The following ITGA8 variants were observed in gnomAD, a reference collection of about 807,000 sequenced individuals.
ITGA8 encodes the protein integrin alpha-8.
Under a neutral mutation model 142.3 loss-of-function variants are expected in ITGA8, and 91 were observed. That is an observed-to-expected ratio of 0.64 (90% CI 0.54 to 0.76). The LOEUF is 0.76. Ranked by LOEUF, ITGA8 falls within the 30% of genes least tolerant of loss-of-function variation. The pLI is 0.00. For synonymous variants in ITGA8, 505 were observed against 485.2 expected (o/e 1.04, Z -0.54); for missense variants, 1,406 against 1,327.7 (o/e 1.06, Z -0.92).
intron 2 of ITGA8, among the ~76,000 whole-genome samples, chr10:15,705,228 ATTTCATG>A (rs1263386373): frequency 2.0e-5 from 3 of 152,146 alleles, no homozygotes; most frequent in Non-Finnish European, 2.9e-5. Flanking sequence ...TAATCCTATT[ATTTCATG>A]ACTCCACTTT....
At chr10:15,664,790 G>C (rs1448156370) in intron 8 of ITGA8, among the ~76,000 whole-genome samples, 1 of 151,420 alleles carries the variant, frequency 6.6e-6, no homozygotes, top group Admixed American at 6.6e-5. Context: ...CCTTGTGATA[G>C]TTTGCTGAGA....
At chr10:15,547,958 C>T (rs188668999) in intron 27 of ITGA8, among the ~76,000 whole-genome samples, 1 of 152,278 alleles carries the variant, frequency 6.6e-6, no homozygotes, top group Admixed American at 6.5e-5. Flanking sequence ...TTTAAACTGT[C>T]TTTACCTGCT....
Position 15,519,324 on chromosome 10 carries a change from A to ATTTT in ITGA8, c.3070_3071insAAAA (p.Leu1024Ter). On this transcript the variant is annotated stop_gained and frameshift_variant, in exon 29 of 30. Coordinates refer to ENST00000378076, the MANE Select transcript of ITGA8 (RefSeq NM_003638.3). LOFTEE classifies it high-confidence loss of function. The stretch of plus-strand genomic sequence containing the variant: ...AGCTAAGGTTAAAATGGCGAGAACC[A>ATTTT]ACAATCCAAGAAGTATTGCTAGTAT... 6.2e-7 allele frequency: 1 copy of ATTTT among 1,613,912 alleles called. No individual in the cohort carries two copies. The highest frequency in any genetic ancestry group is 8.5e-7 in the Non-Finnish European group (1 of 1,179,920).
chr10:15,608,287 A>G lies in ITGA8; in HGVS notation c.1557T>C (p.Phe519=). Reference sequence around the variant, plus strand: ...TGACAGATGCACATACTCTTAAAGAAAAGCTATAGAAAATAGTAGTAATTT... The same window carrying G: ...TGACAGATGCACATACTCTTAAAGAGAAGCTATAGAAAATAGTAGTAATTT... ...VPDSMTSAAC[F]SLRVCASVTG... The change falls in exon 16 of 30, where the codon TTT becomes TTC. Residue 519 remains phenylalanine, a synonymous_variant. Transcript: ENST00000378076. 5.0e-6 allele frequency: 8 copies of G among 1,585,058 alleles called. No homozygotes were observed. Among genetic ancestry groups the G allele is most frequent in the Non-Finnish European group, 6.9e-6 (8 of 1,165,906 alleles).
At chr10:15,626,091 C>A (rs1204327875) in intron 13 of ITGA8, among the ~76,000 whole-genome samples, 4 of 152,218 alleles carry the variant, frequency 2.6e-5, no homozygotes, top group Non-Finnish European at 5.9e-5. Context: ...TAGGGTGGGG[C>A]AGCCAGCTTC....
chr10:15,517,034 G>T lies in ITGA8; in HGVS notation c.*124C>A. ...GGTGTAGATGAGGTGATGTTTCCAG[G>T]GTCCCCTCCATTTCCTGGGTCACTG... On this transcript the variant is annotated 3_prime_UTR_variant, in exon 30 of 30. Transcript: ENST00000378076. 5 of 501,710 alleles carry T rather than the reference G, an allele frequency of 1.0e-5. No individual in the cohort carries two copies. The highest frequency in any genetic ancestry group is 9.8e-6 in the Non-Finnish European group (3 of 305,788). 31.1% of individuals were successfully genotyped at this position (501,710 alleles called of 1,614,324 possible). A position where few individuals can be genotyped will look rare whatever the true frequency, so the allele number is the denominator to read the frequency against.
chr10:15,672,785 A>G (rs749026210), intron 6 of ITGA8, 36 bp from the exon 7 acceptor site: 1 of 1,543,662 alleles, frequency 6.5e-7, no homozygotes, highest in Non-Finnish European at 8.7e-7. Context: ...AACTGAATGA[A>G]AGCAAGAGGC....
Position 15,629,087 on chromosome 10 carries a change from G to C in ITGA8, c.1400-12528C>G, listed in dbSNP as rs760523437. 3.3e-5 allele frequency among the ~76,000 whole-genome samples: 5 copies of C among 151,794 alleles called. No homozygotes were observed. The South Asian group carries it at 1.0e-3, about 31-fold the overall frequency. The stretch of plus-strand genomic sequence containing the variant: ...GCTTTTTCCATCACACTGCCTACTC[G>C]TACTCCTGGTCTCACAGCCAAGAGC... On this transcript the variant is annotated intron_variant, in intron 13 of 29. Coordinates refer to ENST00000378076, the MANE Select transcript of ITGA8 (RefSeq NM_003638.3).
intron 11 of ITGA8, among the ~76,000 whole-genome samples, chr10:15,651,280 C>G (rs972183172): frequency 6.6e-6 from 1 of 152,044 alleles, no homozygotes; most frequent in Non-Finnish European, 1.5e-5. Context: ...TCAGAAATTC[C>G]TAACAAAGCT....
chr10:15,560,405 T>C lies in ITGA8; in HGVS notation c.2638-2203A>G, dbSNP rs1218414481. On this transcript the variant is annotated intron_variant, in intron 25 of 29. Coordinates refer to ENST00000378076, the MANE Select transcript of ITGA8 (RefSeq NM_003638.3). ...AGGATTTTAACAAATGGATAATTAT[T>C]TAAAAAGATATGAAATTAAATCCTT... 3.3e-5 allele frequency among the ~76,000 whole-genome samples: 5 copies of C among 152,212 alleles called. No individual in the cohort carries two copies. In the East Asian group the frequency reaches 9.6e-4, roughly 29 times the overall value.
chr10:15,608,351 C>T, intron 15 of ITGA8, 61 bp from the exon 16 acceptor site: 1 of 956,438 alleles, frequency 1.0e-6, no homozygotes, highest in South Asian at 1.4e-5. Context: ...TAGAAGCCTT[C>T]CTTTACCTAA....
chr10:15,708,493 C>A lies in ITGA8; in HGVS notation c.343+10273G>T, dbSNP rs575194048. ...TGTTCACAAAAACATCCTCTCCTTGCCATGTGTCTATTCATAAGTGAAGGG... is the reference window on the plus strand; with the variant it reads ...TGTTCACAAAAACATCCTCTCCTTGACATGTGTCTATTCATAAGTGAAGGG... On this transcript the variant is annotated intron_variant, in intron 2 of 29. Coordinates refer to ENST00000378076, the MANE Select transcript of ITGA8 (RefSeq NM_003638.3). Among the ~76,000 whole-genome samples the A allele has an allele frequency of 1.4e-4, 22 of 152,224 alleles. No homozygotes were observed. The East Asian group carries it at 3.3e-3, about 23-fold the overall frequency.
chr10:15,562,259 C>T (rs928246811), intron 25 of ITGA8, among the ~76,000 whole-genome samples: 2 of 152,196 alleles, frequency 1.3e-5, no homozygotes, highest in African/African-American at 2.4e-5. Context: ...AAGGTTTAGA[C>T]AAGGCAACGA....
chr10:15,563,799 C>G (rs1329805726), intron 25 of ITGA8, among the ~76,000 whole-genome samples: 1 of 152,064 alleles, frequency 6.6e-6, no homozygotes, highest in African/African-American at 2.4e-5. Flanking sequence ...CACCTGTAAT[C>G]CCAGCTACTC....
At chr10:15,586,049 ATTTTTTTTT>A (rs59435924) in intron 23 of ITGA8, among the ~76,000 whole-genome samples, 18 of 76,810 alleles carry the variant, frequency 2.3e-4, no homozygotes, top group East Asian at 4.5e-4. Flanking sequence ...GAATAAAGTG[ATTTTTTTTT>A]TTTTTTTTTT....
chr10:15,565,632 C>G (rs1834065207), intron 25 of ITGA8, among the ~76,000 whole-genome samples: 1 of 98,632 alleles, frequency 1.0e-5, no homozygotes, highest in Non-Finnish European at 1.9e-5. Flanking sequence ...CTCTGTTACT[C>G]AGACTGGAGT....
intron 20 of ITGA8, 23 bp from the exon 21 acceptor site, chr10:15,597,322 G>T (rs535598215): frequency 2.6e-5 from 41 of 1,585,128 alleles, no homozygotes; most frequent in Admixed American, 1.8e-4. Flanking sequence ...AGAACAGGGG[G>T]TTTAGGGGGC....
chr10:15,599,129 C>T (rs565714423), intron 20 of ITGA8, among the ~76,000 whole-genome samples: 1 of 151,532 alleles, frequency 6.6e-6, no homozygotes, highest in African/African-American at 2.4e-5. Context: ...GTTATATGTA[C>T]AGTTTTTCCC....
At chr10:15,674,548 GAGT>G (rs1217474007) in intron 6 of ITGA8, among the ~76,000 whole-genome samples, 1 of 152,190 alleles carries the variant, frequency 6.6e-6, no homozygotes, top group Non-Finnish European at 1.5e-5. Context: ...TCAGTTTGCA[GAGT>G]AGTTTTTAAA....
Sources: allele counts gnomAD v4.1 joint callset (sites outside exome capture counted in the v4.1 genomes callset), GRCh38; gene constraint gnomAD v4.1.1; transcripts MANE v1.5; gene names NCBI Gene and HGNC (gene_info 2026-07-23, HGNC 2026-07-21).